DPYD: variants seen among roughly 807,000 people sequenced by gnomAD.
DPYD encodes dihydropyrimidine dehydrogenase [NADP(+)].
In DPYD, 109 loss-of-function variants were observed where a neutral mutation model predicts 116.2. The ratio of observed to expected loss-of-function variants is 0.94; its 90% CI spans 0.80 to 1.10. The LOEUF (loss-of-function observed/expected upper bound fraction) is 1.10, where lower values mean the gene tolerates loss of function less well. Among genes scored for constraint, DPYD ranks in the 50% least tolerant of loss-of-function variants. The pLI, the probability that DPYD is intolerant of heterozygous loss-of-function variation, is 0.00. For missense variants in DPYD, 1,302 were observed against 1,254.5 expected (o/e 1.04, Z -0.57); for synonymous variants, 440 against 432.0 (o/e 1.02, Z -0.23).
chr1:97,792,199 C>T (rs1667353332), intron 3 of DPYD, among the ~76,000 whole-genome samples: 1 of 152,132 alleles, frequency 6.6e-6, no homozygotes, highest in Non-Finnish European at 1.5e-5. Flanking sequence ...ATAGATACTC[C>T]TGACGCCAAA....
intron 2 of DPYD, among the ~76,000 whole-genome samples, chr1:97,845,896 C>A (rs1463997041): frequency 1.3e-5 from 2 of 152,220 alleles, no homozygotes; most frequent in Non-Finnish European, 2.9e-5. Flanking sequence ...TCTGATCCAG[C>A]TGCAGCCTCA....
chr1:97,556,869 C>T (rs1409362726), intron 11 of DPYD, among the ~76,000 whole-genome samples: 6 of 147,242 alleles, frequency 4.1e-5, no homozygotes, highest in East Asian at 2.1e-4. Context: ...GGGTATATAC[C>T]CAGTAATGGG....
At chr1:97,355,855 G>T (rs1434988816) in intron 16 of DPYD, among the ~76,000 whole-genome samples, 1 of 152,066 alleles carries the variant, frequency 6.6e-6, no homozygotes, top group East Asian at 1.9e-4. Flanking sequence ...GATTCCATAA[G>T]TTGCCTATTG....
chr1:97,782,418 G>A (rs1666800901), intron 3 of DPYD, among the ~76,000 whole-genome samples: 1 of 152,202 alleles, frequency 6.6e-6, no homozygotes, highest in Admixed American at 6.5e-5. Flanking sequence ...CTTTGAGCAT[G>A]TTCTACAGAA....
At chr1:97,633,086 C>T (rs1571096150) in intron 8 of DPYD, among the ~76,000 whole-genome samples, 1 of 151,986 alleles carries the variant, frequency 6.6e-6, no homozygotes, top group African/African-American at 2.4e-5. Flanking sequence ...TAATCACATG[C>T]TATTGATTAA....
intron 14 of DPYD, among the ~76,000 whole-genome samples, chr1:97,413,009 A>T (rs6678858): frequency 0.17 from 25,296 of 152,168 alleles, 2,378 homozygotes; most frequent in East Asian, 0.38. Context: ...GCATTTTCAC[A>T]TCCATGATCA....
At chr1:97,236,717 G>A (rs1292278034) in intron 18 of DPYD, among the ~76,000 whole-genome samples, 2 of 152,126 alleles carry the variant, frequency 1.3e-5, no homozygotes, top group East Asian at 3.9e-4. Flanking sequence ...CCAACACCAA[G>A]TGTGAAACCT....
At chr1:97,528,302 TTTCTGA>T (rs1193114836) in intron 12 of DPYD, among the ~76,000 whole-genome samples, 1 of 152,146 alleles carries the variant, frequency 6.6e-6, no homozygotes, top group Non-Finnish European at 1.5e-5. Flanking sequence ...TATAAAATCT[TTTCTGA>T]TTTGAGGCTT....
chr1:97,520,574 T>C (rs2811176), intron 12 of DPYD, among the ~76,000 whole-genome samples: 94,185 of 151,916 alleles, frequency 0.62, 29,360 homozygotes, highest in East Asian at 0.75. Flanking sequence ...TTGCTACACC[T>C]ATCAACCAGT....
intron 20 of DPYD, among the ~76,000 whole-genome samples, chr1:97,112,790 G>C (rs1052540990): frequency 6.6e-6 from 1 of 152,062 alleles, no homozygotes; most frequent in Non-Finnish European, 1.5e-5. Context: ...CAGTTTGTTG[G>C]ACAAGTAAGA....
intron 2 of DPYD, chr1:97,855,593 A>C (rs187144868): frequency 1.1e-4 from 16 of 152,344 alleles, no homozygotes; most frequent in Non-Finnish European, 2.1e-4. Flanking sequence ...AGGACCAAAA[A>C]AAATCTAAAT....
chr1:97,606,458 G>T (rs1655608498), intron 8 of DPYD, among the ~76,000 whole-genome samples: 1 of 151,930 alleles, frequency 6.6e-6, no homozygotes, highest in African/African-American at 2.4e-5. Flanking sequence ...TTCTAAAGCT[G>T]AGTCTTAAAA....
intron 11 of DPYD, among the ~76,000 whole-genome samples, chr1:97,557,242 G>C (rs1433293927): frequency 6.6e-6 from 1 of 151,042 alleles, no homozygotes; most frequent in Non-Finnish European, 1.5e-5. Flanking sequence ...GTTCATTGTA[G>C]ATTCTGGATA....
chr1:97,566,634 C>T (rs1303501841), intron 11 of DPYD, among the ~76,000 whole-genome samples: 4 of 152,154 alleles, frequency 2.6e-5, no homozygotes, highest in Admixed American at 1.3e-4. Flanking sequence ...TATTAAAATG[C>T]ATGCAACAGT....
chr1:97,270,871 G>A (rs1214346826), intron 18 of DPYD, among the ~76,000 whole-genome samples: 1 of 152,140 alleles, frequency 6.6e-6, no homozygotes, highest in Non-Finnish European at 1.5e-5. Flanking sequence ...CTTTCCCCAA[G>A]TGTTTATTGA....
chr1:97,597,573 C>G (rs1654971983), intron 8 of DPYD, among the ~76,000 whole-genome samples: 1 of 152,120 alleles, frequency 6.6e-6, no homozygotes, highest in Admixed American at 6.5e-5. Context: ...GCTGGGAAAG[C>G]CTTTTGTTGA....
intron 8 of DPYD, among the ~76,000 whole-genome samples, chr1:97,674,244 T>C (rs1297069054): frequency 1.3e-5 from 2 of 152,210 alleles, no homozygotes; most frequent in East Asian, 3.8e-4. Flanking sequence ...AGTAAAGCAC[T>C]TGGTGTTGAA....
chr1:97,104,004 A>T (rs1248045707), intron 20 of DPYD, among the ~76,000 whole-genome samples: 6 of 152,162 alleles, frequency 3.9e-5, no homozygotes, highest in Non-Finnish European at 2.9e-5. Flanking sequence ...GTTTCAGCTC[A>T]GTCTTCATAA....
intron 1 of DPYD, among the ~76,000 whole-genome samples, chr1:97,894,877 T>C (rs1468477447): frequency 6.6e-6 from 1 of 151,798 alleles, no homozygotes; most frequent in Non-Finnish European, 1.5e-5. Context: ...ATATATTACA[T>C]ATTTAAATTA....
Sources: gnomAD v4.1 joint callset for allele counts (sites outside exome capture counted in the v4.1 genomes callset) on GRCh38, gnomAD v4.1.1 for gene constraint, MANE v1.5 for transcripts, NCBI Gene and HGNC (gene_info 2026-07-23, HGNC 2026-07-21) for gene names.